FOXP2: variants seen among roughly 807,000 people sequenced by gnomAD.
FOXP2 encodes the protein forkhead box protein P2.
A neutral mutation model predicts 115.8 loss-of-function variants in FOXP2; 12 were observed. The observed-to-expected ratio is 0.10, with a 90% confidence interval of 0.07 to 0.17. The LOEUF is 0.17. FOXP2 is among the 10% of genes least tolerant of loss of function. FOXP2 has a pLI of 1.00. For missense variants in FOXP2, 629 were observed against 843.5 expected, an observed-to-expected ratio of 0.75 and a Z score of 3.15; for synonymous variants, 328 against 297.7, an observed-to-expected ratio of 1.10 and a Z score of -1.05.
intron 2 of FOXP2, among the ~76,000 whole-genome samples, chr7:114,492,855 G>T (rs1286675614): frequency 6.6e-6 from 1 of 152,142 alleles, no homozygotes; most frequent in African/African-American, 2.4e-5. Context: ...TTTGGAATAG[G>T]TGTGGTGTGG....
chr7:114,663,597 G>A, intron 15 of FOXP2, 78 bp downstream of exon 15: 1 of 1,084,712 alleles, frequency 9.2e-7, no homozygotes, highest in Non-Finnish European at 1.4e-6. Flanking sequence ...TTGTATTTAG[G>A]TGAGATTGTG....
chr7:114,598,896 G>T (rs1802868900), intron 3 of FOXP2, among the ~76,000 whole-genome samples: 1 of 152,066 alleles, frequency 6.6e-6, no homozygotes, highest in Non-Finnish European at 1.5e-5. Flanking sequence ...CTCTCACACA[G>T]TTACTACTCT....
chr7:114,214,367 T>C (rs1329237859), intron 1 of FOXP2, among the ~76,000 whole-genome samples: 2 of 152,168 alleles, frequency 1.3e-5, no homozygotes, highest in Non-Finnish European at 2.9e-5. Flanking sequence ...AAGTAGAATT[T>C]ACAAGACTTT....
At chr7:114,141,772 T>C (rs1792216054) in intron 1 of FOXP2, among the ~76,000 whole-genome samples, 1 of 152,216 alleles carries the variant, frequency 6.6e-6, no homozygotes, top group African/African-American at 2.4e-5. Context: ...CCTAGTTACC[T>C]GCCAGTGCAT....
intron 1 of FOXP2, among the ~76,000 whole-genome samples, chr7:114,141,496 C>A (rs1195881324): frequency 6.6e-6 from 1 of 151,742 alleles, no homozygotes; most frequent in African/African-American, 2.4e-5. Context: ...AAATTAGATT[C>A]TTAGCTGGTC....
At chr7:114,355,110 G>T (rs1791589405) in intron 2 of FOXP2, among the ~76,000 whole-genome samples, 1 of 152,044 alleles carries the variant, frequency 6.6e-6, no homozygotes, top group Non-Finnish European at 1.5e-5. Flanking sequence ...CATATCTTTT[G>T]TCATGGTCAT....
intron 1 of FOXP2, among the ~76,000 whole-genome samples, chr7:114,129,506 TAA>T (rs890638663): frequency 6.7e-6 from 1 of 149,186 alleles, no homozygotes; most frequent in Admixed American, 6.7e-5. Flanking sequence ...AACTTGAGAC[TAA>T]AAAAAAAATG....
At chr7:114,184,493 T>A (rs1427993657) in intron 1 of FOXP2, among the ~76,000 whole-genome samples, 1 of 152,148 alleles carries the variant, frequency 6.6e-6, no homozygotes, top group African/African-American at 2.4e-5. Context: ...ATGGAGAGAA[T>A]AACACATTAA....
At chr7:114,538,269 CTTAATTTAGT>C in intron 3 of FOXP2, 1 of 1,163,846 alleles carries the variant, frequency 8.6e-7, no homozygotes, top group South Asian at 1.3e-5. Context: ...GACAAATCTA[CTTAATTTAGT>C]TTAGATATGA....
At chr7:114,462,131 A>T (rs972740933) in intron 2 of FOXP2, among the ~76,000 whole-genome samples, 5 of 151,072 alleles carry the variant, frequency 3.3e-5, no homozygotes, top group Non-Finnish European at 7.4e-5. Flanking sequence ...AAATACAAAA[A>T]TTAGCCGGGC....
intron 1 of FOXP2, among the ~76,000 whole-genome samples, chr7:114,257,071 A>G (rs912199776): frequency 3.3e-5 from 5 of 152,242 alleles, no homozygotes; most frequent in Non-Finnish European, 7.3e-5. Context: ...TAAACAAAAC[A>G]GCATGGTACT....
intron 1 of FOXP2, among the ~76,000 whole-genome samples, chr7:114,109,235 G>A (rs1282510039): frequency 6.6e-6 from 1 of 151,986 alleles, no homozygotes; most frequent in Non-Finnish European, 1.5e-5. Context: ...TTATGTATTT[G>A]ATAACATAGT....
intron 2 of FOXP2, among the ~76,000 whole-genome samples, chr7:114,433,950 T>TA (rs1409975463): frequency 6.6e-6 from 1 of 151,752 alleles, no homozygotes; most frequent in Admixed American, 6.6e-5. Context: ...GGAGTTAATG[T>TA]AAAAAAATAT....
intron 1 of FOXP2, among the ~76,000 whole-genome samples, chr7:114,232,921 G>A (rs1206050755): frequency 6.6e-6 from 1 of 152,134 alleles, no homozygotes; most frequent in Non-Finnish European, 1.5e-5. Flanking sequence ...ATCGGAGAAG[G>A]ACAAATACTG....
chr7:114,268,975 A>G (rs1488526586), intron 1 of FOXP2, among the ~76,000 whole-genome samples: 1 of 152,208 alleles, frequency 6.6e-6, no homozygotes, highest in East Asian at 1.9e-4. Context: ...TTTACTGTAT[A>G]TTAATTATCA....
At position 114,664,431 on chromosome 7, in the gene FOXP2, G is replaced by A; in HGVS notation, c.1998G>A (p.Pro666=). 5 of 1,613,258 alleles carry A rather than the reference G, an allele frequency of 3.1e-6. No individual in the cohort carries two copies. The highest frequency in any genetic ancestry group is 4.2e-6 in the Non-Finnish European group (5 of 1,179,546). Reference sequence around the variant, plus strand: ...GTAGTCCGGGCTGCTCACCTCAGCCGCACATGTAAGTGTGGTTAACAGACT... The same window carrying A: ...GTAGTCCGGGCTGCTCACCTCAGCCACACATGTAAGTGTGGTTAACAGACT... ...GNSSPGCSPQ[P]HIHSIHVKEE... is the part of the protein sequence containing the mutation. Residue 666 remains proline (P), a synonymous_variant, in exon 16 of 17, where the codon CCG becomes CCA. Coordinates refer to ENST00000350908, the MANE Select transcript of FOXP2 (RefSeq NM_014491.4).
chr7:114,315,224 T>G (rs959551898), intron 2 of FOXP2, among the ~76,000 whole-genome samples: 1 of 152,216 alleles, frequency 6.6e-6, no homozygotes, highest in Non-Finnish European at 1.5e-5. Context: ...AGGAAACTAA[T>G]GTTCATTAAA....
At chr7:114,293,577 A>G (rs914843000) in intron 2 of FOXP2, among the ~76,000 whole-genome samples, 2 of 152,202 alleles carry the variant, frequency 1.3e-5, no homozygotes, top group African/African-American at 4.8e-5. Context: ...TGCAGTTTTC[A>G]TAATCCCCAC....
At chr7:114,621,232 A>G (rs934335673) in intron 3 of FOXP2, among the ~76,000 whole-genome samples, 13 of 151,994 alleles carry the variant, frequency 8.6e-5, no homozygotes, top group Non-Finnish European at 1.5e-5. Flanking sequence ...TAGAAATATG[A>G]TTATCAGCAT....
Sources: gnomAD v4.1 joint callset for allele counts (sites outside exome capture counted in the v4.1 genomes callset) on GRCh38, gnomAD v4.1.1 for gene constraint, MANE v1.5 for transcripts, NCBI Gene and HGNC (gene_info 2026-07-23, HGNC 2026-07-21) for gene names.